RPH3A: variants seen among roughly 807,000 people sequenced by gnomAD.
The protein encoded by RPH3A is rabphilin 3A, also known as rabphilin-3A.
In RPH3A, 48 loss-of-function variants were observed where a neutral mutation model predicts 102.2. The ratio of observed to expected loss-of-function variants is 0.47; its 90% CI spans 0.37 to 0.60. The LOEUF (loss-of-function observed/expected upper bound fraction) is 0.60. Ranked by LOEUF, RPH3A falls within the 20% of genes least tolerant of loss-of-function variation. The pLI, the probability that RPH3A is intolerant of heterozygous loss-of-function variation, is 0.00. For missense variants in RPH3A, 781 were observed against 910.1 expected (o/e 0.86, Z 1.83); for synonymous variants, 310 against 324.3 (o/e 0.96, Z 0.47).
intron 5 of RPH3A, among the ~76,000 whole-genome samples, chr12:112,862,708 G>A (rs2042540832): frequency 6.6e-6 from 1 of 152,240 alleles, no homozygotes; most frequent in Non-Finnish European, 1.5e-5. Flanking sequence ...GGAGGCTCCA[G>A]AGCCTGCAGG....
At chr12:112,797,755 T>C (rs1374113061) in intron 2 of RPH3A, among the ~76,000 whole-genome samples, 2 of 152,070 alleles carry the variant, frequency 1.3e-5, no homozygotes, top group Non-Finnish European at 2.9e-5. Context: ...AGTGGCGTGA[T>C]GATCATAGCT....
At chr12:112,632,412 C>T (rs1209879426) in intron 1 of RPH3A, among the ~76,000 whole-genome samples, 6 of 152,142 alleles carry the variant, frequency 3.9e-5, no homozygotes, top group South Asian at 2.1e-4. Context: ...CCATTGCATG[C>T]GTTATTCAGC....
At position 112,673,764 on chromosome 12, in the gene RPH3A, G is replaced by A. The variant is rs185594161; in HGVS notation, c.-140+98445G>A. Among the ~76,000 whole-genome samples, 8 of 152,104 alleles carry A rather than the reference G, an allele frequency of 5.3e-5. No homozygotes were observed. The East Asian group carries it at 9.7e-4, about 18-fold the overall frequency. ...AGTCACCCTCTTGTGCTATCAAATC[G>A]TAGGTCTTACTCATTCTTTCTATTT... On this transcript the variant is annotated intron_variant, in intron 1 of 21. Transcript: ENST00000543106.
intron 2 of RPH3A, among the ~76,000 whole-genome samples, chr12:112,800,127 G>T (rs529917733): frequency 6.6e-6 from 1 of 152,172 alleles, no homozygotes; most frequent in Admixed American, 6.5e-5. Flanking sequence ...TCCAGACCGC[G>T]TGAAGTGCCA....
chr12:112,610,756 C>T (rs149781005), intron 1 of RPH3A, among the ~76,000 whole-genome samples: 1,641 of 151,928 alleles, frequency 0.011, 37 homozygotes, highest in African/African-American at 0.037. Context: ...CTCAGCCTCC[C>T]GAGTAGCTAG....
At chr12:112,746,771 TC>T (rs2040749697) in intron 1 of RPH3A, among the ~76,000 whole-genome samples, 1 of 152,176 alleles carries the variant, frequency 6.6e-6, no homozygotes, top group South Asian at 2.1e-4. Flanking sequence ...TCCGGCAGTT[TC>T]TCTGCCTCGT....
chr12:112,866,517 G>T (rs920282182), intron 6 of RPH3A, among the ~76,000 whole-genome samples: 5 of 152,166 alleles, frequency 3.3e-5, no homozygotes, highest in Admixed American at 3.3e-4. Flanking sequence ...TGAAAATTCA[G>T]ATCCCACAGG....
chr12:112,743,287 C>T (rs934991181), intron 1 of RPH3A, among the ~76,000 whole-genome samples: 7 of 152,202 alleles, frequency 4.6e-5, no homozygotes, highest in East Asian at 3.9e-4. Flanking sequence ...CTCCAGGCTC[C>T]GCATTTGTTC....
At chr12:112,890,211 T>G (rs944087957) in intron 18 of RPH3A, 131 bp downstream of exon 18, 2 of 807,422 alleles carry the variant, frequency 2.5e-6, no homozygotes, top group African/African-American at 1.7e-5. Flanking sequence ...TGATTTGCCT[T>G]GAGAACAACC....
chr12:112,826,841 A>T (rs1441077807), intron 2 of RPH3A, among the ~76,000 whole-genome samples: 1 of 152,200 alleles, frequency 6.6e-6, no homozygotes, highest in Non-Finnish European at 1.5e-5. Context: ...CTCTCTGTTG[A>T]TAGGCATTTG....
intron 19 of RPH3A, 190 bp downstream of exon 19, chr12:112,891,193 A>T: frequency 1.6e-6 from 1 of 628,836 alleles, no homozygotes; most frequent in Non-Finnish European, 2.7e-6. Flanking sequence ...CAGGCAGTCA[A>T]ACTGGTGTGT....
chr12:112,816,478 T>C (rs2041673057), intron 2 of RPH3A, among the ~76,000 whole-genome samples: 1 of 152,206 alleles, frequency 6.6e-6, no homozygotes, highest in Non-Finnish European at 1.5e-5. Flanking sequence ...AGGAAGGCTC[T>C]ATCTTCATAT....
At chr12:112,752,932 C>T (rs2040794660) in intron 1 of RPH3A, among the ~76,000 whole-genome samples, 1 of 150,906 alleles carries the variant, frequency 6.6e-6, no homozygotes, top group African/African-American at 2.4e-5. Context: ...TTTCCCCAAC[C>T]CCTTCTAGAT....
rs2043070057 is a variant in RPH3A, at chr12:112,890,203, A to C, written c.1620+123A>C. The C allele has an allele frequency of 3.5e-6, 3 of 864,358 alleles. No individual in the cohort carries two copies. The East Asian group carries it at 7.4e-5, about 21-fold the overall frequency. 53.5% of individuals were successfully genotyped at this position (864,358 alleles called of 1,614,324 possible). A position where few individuals can be genotyped will look rare whatever the true frequency, so the allele number is the denominator to read the frequency against. On this transcript the variant is annotated intron_variant, in intron 18 of 21. Transcript: ENST00000389385. ...TTCTCTTCCAACCACCCCCCTGTTG[A>C]TTTGCCTTGAGAACAACCCTTTGCC... is the stretch of plus-strand genomic sequence containing the variant.
chr12:112,842,112 C>T (rs933589349), intron 4 of RPH3A: 1 of 446,684 alleles, frequency 2.2e-6, no homozygotes, highest in Non-Finnish European at 4.5e-6. Context: ...GGGTCAGTGA[C>T]TCATTGTCTT....
chr12:112,806,568 G>A (rs1339985098), intron 2 of RPH3A, among the ~76,000 whole-genome samples: 1 of 152,056 alleles, frequency 6.6e-6, no homozygotes, highest in Non-Finnish European at 1.5e-5. Flanking sequence ...GGTGGAGGTT[G>A]TAATGAGTCG....
intron 1 of RPH3A, among the ~76,000 whole-genome samples, chr12:112,755,528 T>C (rs1378022076): frequency 1.3e-5 from 2 of 152,202 alleles, no homozygotes; most frequent in Non-Finnish European, 2.9e-5. Context: ...CAATTGGATG[T>C]TAGCTGATAA....
intron 1 of RPH3A, among the ~76,000 whole-genome samples, chr12:112,729,287 T>C (rs962777555): frequency 5.3e-5 from 8 of 152,132 alleles, no homozygotes; most frequent in African/African-American, 1.9e-4. Flanking sequence ...GCTAGGAGAC[T>C]GAAATCCTCC....
At chr12:112,787,175 TC>T (rs2041057096), upstream of RPH3A, among the ~76,000 whole-genome samples, 1 of 152,102 alleles carries the variant, frequency 6.6e-6, no homozygotes, top group Non-Finnish European at 1.5e-5. Context: ...CAGGATAATC[TC>T]CCCACCTCAA....
Sources: allele counts gnomAD v4.1 joint callset (sites outside exome capture counted in the v4.1 genomes callset), GRCh38; gene constraint gnomAD v4.1.1; transcripts MANE v1.5; gene names NCBI Gene and HGNC (gene_info 2026-07-23, HGNC 2026-07-21).